COL19A1: variants seen among roughly 807,000 people sequenced by gnomAD.
COL19A1 encodes the protein collagen alpha-1(XIX) chain.
Under a neutral mutation model 190.2 loss-of-function variants are expected in COL19A1, and 159 were observed. The ratio of observed to expected loss-of-function variants is 0.84; its 90% CI spans 0.73 to 0.95. COL19A1 has a LOEUF of 0.95. Ranked by LOEUF, COL19A1 falls within the 40% of genes least tolerant of loss-of-function variation. COL19A1 has a pLI of 0.00. For missense variants in COL19A1, 1,418 were observed against 1,431.9 expected (o/e 0.99, Z 0.16); for synonymous variants, 509 against 458.9 (o/e 1.11, Z -1.39).
intron 16 of COL19A1, among the ~76,000 whole-genome samples, chr6:70,103,633 A>G (rs1783773577): frequency 6.6e-6 from 1 of 152,146 alleles, no homozygotes; most frequent in Admixed American, 6.5e-5. Flanking sequence ...ATCACTTGCA[A>G]ATGTTCTCCA....
At chr6:69,947,432 A>C (rs1402553633) in intron 9 of COL19A1, among the ~76,000 whole-genome samples, 1 of 151,874 alleles carries the variant, frequency 6.6e-6, no homozygotes, top group Admixed American at 6.6e-5. Context: ...TAGAATATTT[A>C]AAAAATTGTT....
intron 6 of COL19A1, among the ~76,000 whole-genome samples, chr6:69,932,066 A>C (rs1772795498): frequency 6.6e-6 from 1 of 152,116 alleles, no homozygotes; most frequent in African/African-American, 2.4e-5. Context: ...CTATTTTATC[A>C]ATAATCAGTA....
At chr6:69,872,144 G>GT (rs908728024) in intron 1 of COL19A1, among the ~76,000 whole-genome samples, 5 of 149,290 alleles carry the variant, frequency 3.3e-5, no homozygotes, top group Admixed American at 2.0e-4. Context: ...TTTTTTGTTT[G>GT]TTTTTTTGTT....
At chr6:69,881,511 C>T (rs1420215170) in intron 2 of COL19A1, among the ~76,000 whole-genome samples, 1 of 152,200 alleles carries the variant, frequency 6.6e-6, no homozygotes, top group Non-Finnish European at 1.5e-5. Context: ...AACACTTCCC[C>T]ATCTTGGGAT....
intron 2 of COL19A1, among the ~76,000 whole-genome samples, chr6:69,896,127 T>G (rs1490201042): frequency 1.3e-5 from 2 of 152,096 alleles, no homozygotes; most frequent in African/African-American, 4.8e-5. Context: ...CATCAACGCT[T>G]GACTGCCATG....
At chr6:70,113,227 T>C (rs1784380852) in intron 16 of COL19A1, among the ~76,000 whole-genome samples, 2 of 152,212 alleles carry the variant, frequency 1.3e-5, no homozygotes, top group Non-Finnish European at 2.9e-5. Context: ...AGCATGTCGC[T>C]GCCAGCTTCC....
chr6:70,009,396 T>C lies in COL19A1; in HGVS notation c.1027-14231T>C, dbSNP rs528031453. Among the ~76,000 whole-genome samples, 7 of 152,202 alleles carry C rather than the reference T, an allele frequency of 4.6e-5. No individual in the cohort carries two copies. In the South Asian group the frequency reaches 1.5e-3, roughly 32 times the overall value. ...AAAAATGAAATTTTGAAAACAATTT[T>C]ATTTATGGTGATGACCTGTACACAG... On this transcript the variant is annotated intron_variant, in intron 11 of 50. Coordinates refer to ENST00000620364, the MANE Select transcript of COL19A1 (RefSeq NM_001858.6).
At position 70,206,061 on chromosome 6, in the gene COL19A1, C is replaced by T. The variant is rs1767829320; in HGVS notation, c.3224-840C>T. On this transcript the variant is annotated intron_variant, in intron 49 of 50. Transcript: ENST00000620364. The stretch of plus-strand genomic sequence containing the variant: ...ACCTGACTTTTTAGATGAGTTAACC[C>T]ACATATACTCATGCTCTTGCTATCA... Among the ~76,000 whole-genome samples, 3 of 152,248 alleles carry T rather than the reference C, an allele frequency of 2.0e-5. No individual in the cohort carries two copies. In the South Asian group the frequency reaches 6.2e-4, roughly 32 times the overall value.
intron 40 of COL19A1, among the ~76,000 whole-genome samples, chr6:70,170,266 C>G (rs1294710769): frequency 2.6e-5 from 4 of 152,040 alleles, no homozygotes; most frequent in Admixed American, 2.6e-4. Context: ...CTCCCACCAG[C>G]TGTCCTGTAG....
chr6:70,127,373 T>C (rs1785264414), intron 17 of COL19A1, among the ~76,000 whole-genome samples: 2 of 152,062 alleles, frequency 1.3e-5, no homozygotes, highest in African/African-American at 4.8e-5. Context: ...CAAGAGTGGA[T>C]TGTAAAAGGC....
chr6:69,997,780 G>T (rs891892654), intron 11 of COL19A1, among the ~76,000 whole-genome samples: 4 of 152,102 alleles, frequency 2.6e-5, no homozygotes, highest in African/African-American at 9.7e-5. Flanking sequence ...TATGTAATGG[G>T]AATCCCAGGA....
intron 24 of COL19A1, among the ~76,000 whole-genome samples, chr6:70,144,605 G>A (rs1310563013): frequency 6.6e-6 from 1 of 152,120 alleles, no homozygotes; most frequent in Non-Finnish European, 1.5e-5. Context: ...ACCATTATTG[G>A]AGAATAACTT....
chr6:69,921,501 T>TATATTC (rs1477222248), intron 4 of COL19A1, among the ~76,000 whole-genome samples: 2 of 11,436 alleles, frequency 1.7e-4, no homozygotes, highest in African/African-American at 4.8e-4. Context: ...TATATATTCA[T>TATATTC]ATATATTCAT....
At chr6:69,922,116 A>T (rs905488392) in intron 4 of COL19A1, among the ~76,000 whole-genome samples, 5 of 152,054 alleles carry the variant, frequency 3.3e-5, no homozygotes, top group Admixed American at 3.3e-4. Flanking sequence ...ATAAACAACA[A>T]GCATAGTTTG....
At chr6:70,118,580 AG>A (rs1784714490) in intron 16 of COL19A1, among the ~76,000 whole-genome samples, 2 of 152,238 alleles carry the variant, frequency 1.3e-5, no homozygotes, top group African/African-American at 4.8e-5. Context: ...TGACTAAAAA[AG>A]TGAGAAAGAA....
chr6:69,945,061 G>T lies in COL19A1; in HGVS notation c.936+6961G>T, dbSNP rs1012703629. Among the ~76,000 whole-genome samples, 3 of 151,762 alleles carry T rather than the reference G, an allele frequency of 2.0e-5. No individual in the cohort carries two copies. The South Asian group carries it at 6.2e-4, about 31-fold the overall frequency. On this transcript the variant is annotated intron_variant, in intron 9 of 50. Coordinates refer to ENST00000620364, the MANE Select transcript of COL19A1 (RefSeq NM_001858.6). ...TGTTAATACCCTCACCCATTTCAGA[G>T]CTGAAATTCTCTCAGAGTTTTATAA...
chr6:70,188,074 G>A lies in COL19A1; in HGVS notation c.2857-1G>A. ...CTTTGTTATTATTTTTTCCTTAACA[G>A]GGTGATCAGGGGATTCCAGGAGACA... On this transcript the variant is annotated splice_acceptor_variant, in intron 46 of 50. Coordinates refer to ENST00000620364, the MANE Select transcript of COL19A1 (RefSeq NM_001858.6). LOFTEE classifies it high-confidence loss of function. The A allele has an allele frequency of 1.2e-6, 2 of 1,612,514 alleles. No homozygotes were observed. The highest frequency in any genetic ancestry group is 1.7e-6 in the Non-Finnish European group (2 of 1,179,504).
chr6:70,116,980 G>A (rs1445150852), intron 16 of COL19A1, among the ~76,000 whole-genome samples: 1 of 152,192 alleles, frequency 6.6e-6, no homozygotes, highest in Non-Finnish European at 1.5e-5. Context: ...TGGTGCATAA[G>A]TGGCATCTGG....
At position 70,161,960 on chromosome 6, in the gene COL19A1, A is replaced by G; in HGVS notation, c.2346+7A>G. ...AGGCCCGACTGGACCCCCTGTAAGT[A>G]TTTGTTAAAACGATTGCACTCACAG... On this transcript the variant is annotated splice_region_variant and intron_variant, in intron 35 of 50. Coordinates refer to ENST00000620364, the MANE Select transcript of COL19A1 (RefSeq NM_001858.6). 6.3e-7 allele frequency: 1 copy of G among 1,592,064 alleles called. No individual in the cohort carries two copies. The highest frequency in any genetic ancestry group is 8.5e-7 in the Non-Finnish European group (1 of 1,171,330).
Sources: allele counts gnomAD v4.1 joint callset (sites outside exome capture counted in the v4.1 genomes callset), GRCh38; gene constraint gnomAD v4.1.1; transcripts MANE v1.5; gene names NCBI Gene and HGNC (gene_info 2026-07-23, HGNC 2026-07-21).